Variants in CLHC1 observed in about 807,000 individuals in gnomAD.
CLHC1 encodes the protein clathrin heavy chain linker domain-containing protein 1.
Under a neutral mutation model 69.5 loss-of-function variants are expected in CLHC1, and 72 were observed. That is an observed-to-expected ratio of 1.04 (90% CI 0.86 to 1.26). CLHC1 has a LOEUF of 1.26. Ranked by LOEUF, CLHC1 falls within the 50% of genes most tolerant of loss-of-function variation. The probability of loss-of-function intolerance (pLI) is 0.00; values close to 1 mark genes in which losing one functional copy is unlikely to be tolerated. For missense variants in CLHC1, 790 were observed against 679.3 expected, an observed-to-expected ratio of 1.16 and a Z score of -1.81; for synonymous variants, 223 against 224.3, an observed-to-expected ratio of 0.99 and a Z score of 0.05.
At chr2:55,189,801 G>A (rs1273453236) in intron 9 of CLHC1, among the ~76,000 whole-genome samples, 3 of 152,108 alleles carry the variant, frequency 2.0e-5, no homozygotes, top group African/African-American at 7.2e-5. Flanking sequence ...AGGATTAGAG[G>A]GACTAATCCC....
rs770337581 is a variant in CLHC1, at chr2:55,180,664, C to T, written c.1230G>A (p.Glu410=). ...EAGDVICDYG[E]QDTYNKAKCL... ...ACTTGGCCTTGTTATAAGTATCCTG[C>T]TCCCCATAATCACAAATCACATCCC... Residue 410 remains glutamate, a synonymous_variant, in exon 11 of 13, where the codon GAG becomes GAA. Coordinates refer to ENST00000401408, the MANE Select transcript of CLHC1 (RefSeq NM_152385.4). 15 of 1,613,940 alleles carry T rather than the reference C, an allele frequency of 9.3e-6. No homozygotes were observed. The Admixed American group carries it at 2.5e-4, about 27-fold the overall frequency.
At chr2:55,204,199 A>AAGTGATT (rs1411034169) in intron 9 of CLHC1, among the ~76,000 whole-genome samples, 2 of 152,140 alleles carry the variant, frequency 1.3e-5, no homozygotes, top group African/African-American at 4.8e-5. Flanking sequence ...TAGGAGAATC[A>AAGTGATT]CTTGGACCTG....
chr2:55,181,988 C>T (rs1181743742), intron 9 of CLHC1, among the ~76,000 whole-genome samples: 2 of 152,020 alleles, frequency 1.3e-5, no homozygotes, highest in Admixed American at 6.6e-5. Flanking sequence ...GGCTAAAAAT[C>T]GCTGACAACC....
chr2:55,183,881 A>G (rs945004241), intron 9 of CLHC1, among the ~76,000 whole-genome samples: 1 of 151,642 alleles, frequency 6.6e-6, no homozygotes, highest in African/African-American at 2.4e-5. Flanking sequence ...CCCAGGTTCA[A>G]GCAATTCTCT....
At chr2:55,199,823 A>G (rs1303303148) in intron 9 of CLHC1, among the ~76,000 whole-genome samples, 2 of 152,208 alleles carry the variant, frequency 1.3e-5, no homozygotes, top group Non-Finnish European at 2.9e-5. Context: ...GGAAGGAAGG[A>G]AAGAAGGAAG....
intron 9 of CLHC1, among the ~76,000 whole-genome samples, chr2:55,195,613 C>T (rs774758051): frequency 5.9e-5 from 9 of 152,018 alleles, no homozygotes; most frequent in African/African-American, 2.2e-4. Flanking sequence ...ACCAGCCTGG[C>T]CAACATGGTG....
intron 1 of CLHC1, among the ~76,000 whole-genome samples, chr2:55,230,680 A>G (rs1558531294): frequency 6.6e-6 from 1 of 152,116 alleles, no homozygotes; most frequent in Non-Finnish European, 1.5e-5. Flanking sequence ...TGGCAGAAAA[A>G]CTGAGAGGTG....
chr2:55,224,738 C>T, intron 2 of CLHC1: 1 of 315,368 alleles, frequency 3.2e-6, no homozygotes, highest in Non-Finnish European at 6.6e-6. Flanking sequence ...GATTCTGCCT[C>T]CCTTGTGTCC....
At chr2:55,208,756 C>A in intron 7 of CLHC1, 46 bp from the exon 8 acceptor site, 1 of 1,326,222 alleles carries the variant, frequency 7.5e-7, no homozygotes, top group South Asian at 1.2e-5. Context: ...AGGTTACTTA[C>A]CAATAGAAAA....
intron 9 of CLHC1, among the ~76,000 whole-genome samples, chr2:55,187,041 TG>T (rs1670480443): frequency 7.1e-6 from 1 of 140,168 alleles, no homozygotes; most frequent in Non-Finnish European, 1.6e-5. Flanking sequence ...CTGCAACAGG[TG>T]GATCACCTGA....
At chr2:55,207,959 C>G (rs1453985212) in intron 8 of CLHC1, among the ~76,000 whole-genome samples, 2 of 152,044 alleles carry the variant, frequency 1.3e-5, no homozygotes, top group Non-Finnish European at 2.9e-5. Flanking sequence ...AGAATATAGT[C>G]TTAAATCTCT....
intron 9 of CLHC1, among the ~76,000 whole-genome samples, chr2:55,188,992 C>G (rs1256968239): frequency 1.3e-5 from 2 of 151,974 alleles, no homozygotes; most frequent in African/African-American, 2.4e-5. Flanking sequence ...CCTTAAGACA[C>G]AAGTGAATAT....
At chr2:55,178,917 AATTATTATTATTATT>A in intron 11 of CLHC1, among the ~76,000 whole-genome samples, 1 of 144,410 alleles carries the variant, frequency 6.9e-6, no homozygotes, top group African/African-American at 2.5e-5. Flanking sequence ...TTTTTTAAAA[AATTATTATTATTATT>A]ATTATTATTA....
chr2:55,218,944 C>T (rs1312962728), intron 3 of CLHC1, among the ~76,000 whole-genome samples: 1 of 151,988 alleles, frequency 6.6e-6, no homozygotes, highest in East Asian at 1.9e-4. Flanking sequence ...TTTACCTAGG[C>T]AATATCTAGA....
intron 2 of CLHC1, among the ~76,000 whole-genome samples, 167 bp from the exon 3 acceptor site, chr2:55,222,660 C>T (rs944635303): frequency 2.6e-5 from 4 of 152,130 alleles, no homozygotes; most frequent in African/African-American, 2.4e-5. Context: ...TGGCTCATGC[C>T]TGTAATCCCA....
At chr2:55,185,481 T>C (rs1670335981) in intron 9 of CLHC1, among the ~76,000 whole-genome samples, 1 of 152,170 alleles carries the variant, frequency 6.6e-6, no homozygotes, top group Non-Finnish European at 1.5e-5. Flanking sequence ...ACTATTAATA[T>C]GCCTTTTTTG....
chr2:55,200,543 G>C (rs1671852978), intron 9 of CLHC1, among the ~76,000 whole-genome samples: 1 of 152,128 alleles, frequency 6.6e-6, no homozygotes, highest in South Asian at 2.1e-4. Context: ...AATATTATTA[G>C]TGCTAAAGAG....
intron 9 of CLHC1, among the ~76,000 whole-genome samples, chr2:55,193,958 T>A (rs1671164029): frequency 6.6e-6 from 1 of 152,198 alleles, no homozygotes; most frequent in South Asian, 2.1e-4. Context: ...AAATGATACA[T>A]GCTACAGCAT....
intron 11 of CLHC1, among the ~76,000 whole-genome samples, chr2:55,179,677 C>G (rs924235236): frequency 6.6e-6 from 1 of 152,128 alleles, no homozygotes; most frequent in Non-Finnish European, 1.5e-5. Context: ...CCTGTACTTA[C>G]AGTTATTGCC....
Sources: allele counts gnomAD v4.1 joint callset (sites outside exome capture counted in the v4.1 genomes callset), GRCh38; gene constraint gnomAD v4.1.1; transcripts MANE v1.5; gene names NCBI Gene and HGNC (gene_info 2026-07-23, HGNC 2026-07-21).